Variants in TIMM9 observed in about 807,000 individuals in gnomAD.
TIMM9 encodes the protein mitochondrial import inner membrane translocase subunit Tim9.
Under a neutral mutation model 13.4 loss-of-function variants are expected in TIMM9, and 10 were observed. The ratio of observed to expected loss-of-function variants is 0.75; its 90% CI spans 0.46 to 1.26. The LOEUF is 1.26. Ranked by LOEUF, TIMM9 falls within the 50% of genes most tolerant of loss-of-function variation. The probability of loss-of-function intolerance (pLI) is 0.00; values close to 1 mark genes in which losing one functional copy is unlikely to be tolerated. For synonymous variants in TIMM9, 32 were observed against 32.1 expected (o/e 1.00, Z 0.01); for missense variants, 87 against 100.8 (o/e 0.86, Z 0.58).
chr14:58,424,569 AAT>A (rs937034243), intron 2 of TIMM9, among the ~76,000 whole-genome samples: 6 of 152,238 alleles, frequency 3.9e-5, no homozygotes, highest in African/African-American at 1.4e-4. Context: ...CAAATAGCCA[AAT>A]ATATGTTATA....
At chr14:58,424,474 T>G (rs2036677838) in intron 2 of TIMM9, among the ~76,000 whole-genome samples, 1 of 152,208 alleles carries the variant, frequency 6.6e-6, no homozygotes, top group Admixed American at 6.5e-5. Context: ...ATTTTCCCCA[T>G]TGCACCTATA....
chr14:58,408,874 G>T lies in TIMM9; in HGVS notation c.*160C>A. The T allele has an allele frequency of 1.0e-6, 1 of 997,250 alleles. No individual in the cohort carries two copies. The highest frequency in any genetic ancestry group is 1.4e-6 in the Non-Finnish European group (1 of 698,128). The allele number at this position is 997,250 out of a possible 1,614,324, so 61.8% of individuals were successfully genotyped here. ...CTATTGTGATTATTCCTGGTAAATAGCAATTTTGTTTCTCCAGCGGTTTCC... is the reference window on the plus strand; with the variant it reads ...CTATTGTGATTATTCCTGGTAAATATCAATTTTGTTTCTCCAGCGGTTTCC... On this transcript the variant is annotated 3_prime_UTR_variant, in exon 6 of 6. Transcript: ENST00000395159.
intron 3 of TIMM9, among the ~76,000 whole-genome samples, chr14:58,423,620 T>G (rs2036655322): frequency 6.6e-6 from 1 of 151,990 alleles, no homozygotes; most frequent in Non-Finnish European, 1.5e-5. Context: ...TTTTCAGAGT[T>G]ACTTGCTAAT....
intron 3 of TIMM9, among the ~76,000 whole-genome samples, chr14:58,412,749 A>T (rs576479259): frequency 1.1e-3 from 164 of 152,188 alleles, no homozygotes; most frequent in Non-Finnish European, 1.5e-3. Flanking sequence ...AAAAATACAA[A>T]AATTGGCCAG....
chr14:58,424,685 T>C (rs899820664), intron 2 of TIMM9, among the ~76,000 whole-genome samples: 1 of 152,014 alleles, frequency 6.6e-6, no homozygotes, highest in South Asian at 2.1e-4. Context: ...CTGGGCAACA[T>C]GGCAAAACCC....
chr14:58,414,036 A>AAAAAAAAAAAC lies in TIMM9; in HGVS notation c.-26-2066_-26-2065insGTTTTTTTTTT, dbSNP rs398025244. ...AAAAAAAAAAAAAAAAAAAAAAAAA[A>AAAAAAAAAAAC]GGTTTGTATAAAATAAAGCTGTTTG... On this transcript the variant is annotated intron_variant, in intron 3 of 5. Coordinates refer to ENST00000395159, the MANE Select transcript of TIMM9 (RefSeq NM_012460.4). Among the ~76,000 whole-genome samples the AAAAAAAAAAAC allele has an allele frequency of 1.4e-5, 2 of 144,192 alleles. 1 individual carries two copies. The highest frequency in any genetic ancestry group is 5.2e-5 in the African/African-American group (2 of 38,658). The allele number at this position is 144,192 out of a possible 152,430, so 94.6% of individuals were successfully genotyped here.
intron 5 of TIMM9, among the ~76,000 whole-genome samples, chr14:58,410,106 C>G (rs2036165911): frequency 1.3e-5 from 2 of 151,532 alleles, no homozygotes; most frequent in South Asian, 2.1e-4. Context: ...GGGTCTTGCT[C>G]TGTCGCCCAG....
At chr14:58,410,688 G>A (rs918311134) in intron 5 of TIMM9, among the ~76,000 whole-genome samples, 155 bp downstream of exon 5, 7 of 152,192 alleles carry the variant, frequency 4.6e-5, no homozygotes, top group Non-Finnish European at 5.9e-5. Flanking sequence ...ACTCAATGCC[G>A]TGGTTCAGTG....
intron 5 of TIMM9, among the ~76,000 whole-genome samples, chr14:58,409,575 A>C (rs929236277): frequency 1.3e-5 from 2 of 151,826 alleles, no homozygotes; most frequent in African/African-American, 4.8e-5. Flanking sequence ...TTTTAATTTT[A>C]TTTATTTATT....
intron 5 of TIMM9, 135 bp from the exon 6 acceptor site, chr14:58,409,303 A>G: frequency 1.1e-6 from 1 of 932,254 alleles, no homozygotes; most frequent in Non-Finnish European, 1.6e-6. Flanking sequence ...ACTAATTGGC[A>G]GCAACTGACC....
intron 3 of TIMM9, among the ~76,000 whole-genome samples, chr14:58,413,097 T>C (rs1376791529): frequency 3.3e-5 from 5 of 152,190 alleles, no homozygotes; most frequent in Non-Finnish European, 5.9e-5. Flanking sequence ...TAAAAAGTAT[T>C]AATAAGACAT....
rs186070594 is a variant in TIMM9, at chr14:58,420,551, C to T, written c.-27+3457G>A. On this transcript the variant is annotated intron_variant, in intron 3 of 5. Coordinates refer to ENST00000395159, the MANE Select transcript of TIMM9 (RefSeq NM_012460.4). The stretch of plus-strand genomic sequence containing the variant: ...CTCACGCCTGTAATCCCAGCACTTT[C>T]GGAGGCTGAGGCGGGCAGATCACCT... Among the ~76,000 whole-genome samples the T allele has an allele frequency of 2.8e-3, 431 of 152,124 alleles. 4 individuals carry two copies. Among genetic ancestry groups the T allele is most frequent in the African/African-American group, 9.9e-3 (413 of 41,510 alleles).
intron 3 of TIMM9, among the ~76,000 whole-genome samples, chr14:58,420,188 T>G (rs2140336670): frequency 6.6e-6 from 1 of 152,248 alleles, no homozygotes; most frequent in Admixed American, 6.5e-5. Flanking sequence ...GAGGAAAAAT[T>G]AATAAATTAG....
intron 5 of TIMM9, among the ~76,000 whole-genome samples, chr14:58,409,858 G>A (rs2036156495): frequency 1.3e-5 from 2 of 152,188 alleles, no homozygotes; most frequent in South Asian, 4.1e-4. Context: ...AGTTCCAGGC[G>A]TGAGCCACCG....
chr14:58,422,304 G>A (rs1349373519), intron 3 of TIMM9, among the ~76,000 whole-genome samples: 4 of 151,890 alleles, frequency 2.6e-5, no homozygotes, highest in Non-Finnish European at 5.9e-5. Flanking sequence ...TAGTAGAGAC[G>A]GGGGTTTCTC....
chr14:58,426,484 C>T (rs1380180626), intron 2 of TIMM9, among the ~76,000 whole-genome samples: 1 of 152,080 alleles, frequency 6.6e-6, no homozygotes, highest in Non-Finnish European at 1.5e-5. Flanking sequence ...GGATTACAGG[C>T]GTGAGCCACC....
At chr14:58,413,489 C>T (rs2036287592) in intron 3 of TIMM9, among the ~76,000 whole-genome samples, 1 of 152,102 alleles carries the variant, frequency 6.6e-6, no homozygotes, top group African/African-American at 2.4e-5. Flanking sequence ...TCAAAAAGGG[C>T]AATCACAGAG....
chr14:58,413,134 C>G (rs1412988594), intron 3 of TIMM9, among the ~76,000 whole-genome samples: 2 of 151,972 alleles, frequency 1.3e-5, no homozygotes, highest in Admixed American at 1.3e-4. Context: ...GGTAGTAAGT[C>G]TTTGATTTTG....
intron 2 of TIMM9, among the ~76,000 whole-genome samples, chr14:58,424,957 A>C (rs752897340): frequency 2.0e-5 from 3 of 152,216 alleles, no homozygotes; most frequent in African/African-American, 7.2e-5. Flanking sequence ...GCAGTAAGAC[A>C]GCATCACCTA....
Sources: allele counts gnomAD v4.1 joint callset (sites outside exome capture counted in the v4.1 genomes callset), GRCh38; gene constraint gnomAD v4.1.1; transcripts MANE v1.5; gene names NCBI Gene and HGNC (gene_info 2026-07-23, HGNC 2026-07-21).